Variants in MTCH2 observed in about 807,000 individuals in gnomAD.
MTCH2 encodes the protein mitochondrial carrier homolog 2.
Under a neutral mutation model 50.6 loss-of-function variants are expected in MTCH2, and 25 were observed. That is an observed-to-expected ratio of 0.49 (90% CI 0.36 to 0.69). The LOEUF is 0.69. MTCH2 is among the 30% of genes least tolerant of loss of function. The pLI is 0.00. For missense variants in MTCH2, 273 were observed against 384.4 expected, an observed-to-expected ratio of 0.71 and a Z score of 2.42; for synonymous variants, 106 against 132.0, an observed-to-expected ratio of 0.80 and a Z score of 1.35.
intron 3 of MTCH2, among the ~76,000 whole-genome samples, chr11:47,636,249 C>T (rs1429126853): frequency 5.9e-5 from 9 of 152,080 alleles, no homozygotes; most frequent in Admixed American, 5.9e-4. Context: ...GCCTGGCCTA[C>T]GTGGTGAAAC....
intron 3 of MTCH2, 95 bp from the exon 4 acceptor site, chr11:47,635,666 C>CTGAAGTTTTTTT: frequency 8.0e-7 from 1 of 1,245,932 alleles, no homozygotes; most frequent in African/African-American, 1.5e-5. Flanking sequence ...AGTAAATTAG[C>CTGAAGTTTTTTT]TGAAGTTTTT....
At chr11:47,626,010 A>T (rs1380038765) in intron 10 of MTCH2, among the ~76,000 whole-genome samples, 1 of 150,834 alleles carries the variant, frequency 6.6e-6, no homozygotes, top group East Asian at 1.9e-4. Context: ...ACCATACCCA[A>T]CTACTTTTTT....
In MTCH2 at chr11:47,622,594, A is replaced by G; in HGVS notation, c.825+107T>C. The G allele has an allele frequency of 3.4e-6, 3 of 870,042 alleles. No individual in the cohort carries two copies. The South Asian group carries it at 5.2e-5, about 15-fold the overall frequency. 53.9% of individuals were successfully genotyped at this position (870,042 alleles called of 1,614,324 possible). A position where few individuals can be genotyped will look rare whatever the true frequency, so the allele number is the denominator to read the frequency against. ...CTGGCAGACTAGACTAACTCTAGCT[A>G]AAGTGAGCTACAAGAGTTAACTTGG... On this transcript the variant is annotated intron_variant, in intron 12 of 12. Coordinates refer to ENST00000302503, the MANE Select transcript of MTCH2 (RefSeq NM_014342.4).
downstream of MTCH2, among the ~76,000 whole-genome samples, chr11:47,614,275 C>T (rs1565957644): frequency 6.6e-6 from 1 of 152,012 alleles, no homozygotes; most frequent in Non-Finnish European, 1.5e-5. Context: ...ACTATGATTT[C>T]GAGTGAGTTG....
At chr11:47,629,534 G>GCTTTCTA (rs2097301070) in intron 8 of MTCH2, among the ~76,000 whole-genome samples, 1 of 152,116 alleles carries the variant, frequency 6.6e-6, no homozygotes. Context: ...ACCTAGGTGA[G>GCTTTCTA]GCAGCATGGA....
chr11:47,619,192 GTA>G (rs1430827973), intron 12 of MTCH2, among the ~76,000 whole-genome samples: 1 of 152,196 alleles, frequency 6.6e-6, no homozygotes, highest in African/African-American at 2.4e-5. Flanking sequence ...AATGAGTCAT[GTA>G]GAACAGTGCC....
chr11:47,631,003 TCTC>T, intron 7 of MTCH2, 30 bp downstream of exon 7: 1 of 1,544,804 alleles, frequency 6.5e-7, no homozygotes, highest in Non-Finnish European at 8.9e-7. Context: ...CTTCAAAAGA[TCTC>T]CTTGAGTATG....
intron 3 of MTCH2, among the ~76,000 whole-genome samples, chr11:47,636,614 C>T (rs1219164125): frequency 6.6e-6 from 1 of 151,884 alleles, no homozygotes; most frequent in South Asian, 2.1e-4. Context: ...TGCCTGTAAT[C>T]CCAGCTACGT....
downstream of MTCH2, among the ~76,000 whole-genome samples, chr11:47,616,857 T>C (rs1479041643): frequency 6.6e-6 from 1 of 151,894 alleles, no homozygotes; most frequent in Non-Finnish European, 1.5e-5. Context: ...CTAATTTTGT[T>C]ATTTTTAGTA....
At chr11:47,637,241 C>G (rs890444912) in intron 3 of MTCH2, among the ~76,000 whole-genome samples, 1 of 152,182 alleles carries the variant, frequency 6.6e-6, no homozygotes, top group African/African-American at 2.4e-5. Flanking sequence ...CCACCCGCCT[C>G]AGCCTCCCAA....
intron 3 of MTCH2, 70 bp downstream of exon 3, chr11:47,638,629 A>T: frequency 1.8e-6 from 2 of 1,085,932 alleles, no homozygotes; most frequent in Non-Finnish European, 2.7e-6. Context: ...ATTGCTCTTG[A>T]TATTTAGAAC....
chr11:47,631,411 A>G (rs956056143), intron 6 of MTCH2, among the ~76,000 whole-genome samples: 7 of 152,232 alleles, frequency 4.6e-5, no homozygotes, highest in Non-Finnish European at 8.8e-5. Flanking sequence ...CTCCGTCTCA[A>G]AAACAAAAAA....
the MTCH2 span, among the ~76,000 whole-genome samples, chr11:47,608,688 G>A: frequency 4.2e-4 from 64 of 152,152 alleles, no homozygotes; most frequent in Non-Finnish European, 7.3e-4. Context: ...GCCGATTGCG[G>A]TGGCTCATGC....
intron 3 of MTCH2, 35 bp from the exon 4 acceptor site, chr11:47,635,606 TTACAGTGTCATGTGAAAGAAGAC>T (rs2097307799): frequency 6.3e-7 from 1 of 1,586,896 alleles, no homozygotes; most frequent in Admixed American, 1.7e-5. Flanking sequence ...ATTAGGGTTA[TTACAGTGTCATGTGAAAGAAGAC>T]ATAAAATGAA....
intron 1 of MTCH2, 130 bp downstream of exon 1, chr11:47,642,249 A>C: frequency 1.3e-6 from 1 of 766,614 alleles, no homozygotes; most frequent in South Asian, 2.1e-5. Context: ...GGGGAGGTAA[A>C]GGGCAGCGGA....
Position 47,642,433 on chromosome 11 carries a change from G to C in MTCH2, c.33C>G (p.Gly11=). Residue 11 remains glycine, a synonymous_variant, in exon 1 of 13, where the codon GGC becomes GGG. Transcript: ENST00000302503. The part of the protein sequence containing the change: MADAASQVLL[G]SGLTILSQPL... Reference sequence around the variant, plus strand: ...GCTGGGACAGGATGGTGAGACCGGAGCCCAGGAGCACCTGACTGGCCGCGT... The same window carrying C: ...GCTGGGACAGGATGGTGAGACCGGACCCCAGGAGCACCTGACTGGCCGCGT... The C allele has an allele frequency of 6.2e-7, 1 of 1,608,320 alleles. No homozygotes were observed. The highest frequency in any genetic ancestry group is 8.5e-7 in the Non-Finnish European group (1 of 1,177,806).
Position 47,618,880 on chromosome 11 carries a change from C to A in MTCH2, c.865G>T (p.Val289Phe). ...CAACAATAAGTCTTCCCAAAGGGGACCTTCCGGAAAAATAAGCTATTTCCT... is the reference window on the plus strand; with the variant it reads ...CAACAATAAGTCTTCCCAAAGGGGAACTTCCGGAAAAATAAGCTATTTCCT... Reference protein sequence around the residue: ...SRGNSLFFRKVPFGKTYCCDL... With the variant: ...SRGNSLFFRKFPFGKTYCCDL... Residue 289 changes from valine (V) to phenylalanine (F), a missense_variant, in exon 13 of 13, where the codon GTC becomes TTC. Around this residue, in one of 2 missense-constraint regions of MTCH2, gnomAD observed 70 missense variants for 140.1 expected, o/e 0.50. Transcript: ENST00000302503. 1 of 1,246,670 alleles carries A rather than the reference C, an allele frequency of 8.0e-7. No individual in the cohort carries two copies. Among genetic ancestry groups the A allele is most frequent in the South Asian group, 2.0e-5 (1 of 50,578 alleles). 77.2% of individuals were successfully genotyped at this position (1,246,670 alleles called of 1,614,324 possible). A position where few individuals can be genotyped will look rare whatever the true frequency, so the allele number is the denominator to read the frequency against.
At chr11:47,640,148 G>T (rs1354504654) in intron 1 of MTCH2, among the ~76,000 whole-genome samples, 6 of 152,022 alleles carry the variant, frequency 3.9e-5, no homozygotes, top group African/African-American at 9.7e-5. Context: ...GGCCAACATG[G>T]TGAAACCCTG....
At chr11:47,624,510 C>CA (rs1345358744) in intron 11 of MTCH2, among the ~76,000 whole-genome samples, 2 of 151,966 alleles carry the variant, frequency 1.3e-5, no homozygotes, top group African/African-American at 4.8e-5. Flanking sequence ...TTTAAAATAA[C>CA]AATATGTTGG....
Sources: allele counts gnomAD v4.1 joint callset (sites outside exome capture counted in the v4.1 genomes callset), GRCh38; gene constraint gnomAD v4.1.1; regional missense constraint gnomAD v4.1.1; transcripts MANE v1.5; gene names NCBI Gene and HGNC (gene_info 2026-07-23, HGNC 2026-07-21).